Variants in FRMPD3 observed in about 807,000 individuals in gnomAD.
The protein encoded by FRMPD3 is FERM and PDZ domain-containing protein 3.
Under a neutral mutation model 97.9 loss-of-function variants are expected in FRMPD3, and 42 were observed. That is an observed-to-expected ratio of 0.43 (90% CI 0.34 to 0.55). The LOEUF (loss-of-function observed/expected upper bound fraction) is 0.55. Among genes scored for constraint, FRMPD3 ranks in the 20% least tolerant of loss-of-function variants. The probability of loss-of-function intolerance (pLI) is 0.03; values close to 1 mark genes in which losing one functional copy is unlikely to be tolerated. For synonymous variants in FRMPD3, 577 were observed against 581.1 expected (o/e 0.99, Z 0.10); for missense variants, 1,303 against 1,457.7 (o/e 0.89, Z 1.73).
intron 1 of FRMPD3, among the ~76,000 whole-genome samples, chrX:107,505,448 C>G (rs1305266629): frequency 8.9e-6 from 1 of 111,971 alleles, no homozygotes; most frequent in African/African-American, 3.3e-5. Flanking sequence ...CAGTGCCTAG[C>G]GTAAAGTAGA....
chrX:107,498,561 A>T (rs143685574), intron 1 of FRMPD3, among the ~76,000 whole-genome samples: 95 of 112,120 alleles, frequency 8.5e-4, no homozygotes, highest in African/African-American at 2.9e-3. Context: ...TAGCATCCCA[A>T]TGCTGGAAAT....
chrX:107,573,449 C>A (rs1430069609), intron 12 of FRMPD3, among the ~76,000 whole-genome samples: 1 of 111,874 alleles, frequency 8.9e-6, no homozygotes, highest in African/African-American at 3.2e-5. Context: ...AAGTTCATTT[C>A]CTTTCCATAC....
intron 1 of FRMPD3, among the ~76,000 whole-genome samples, chrX:107,485,717 T>A (rs979395624): frequency 1.8e-5 from 2 of 111,871 alleles, no homozygotes; most frequent in African/African-American, 3.3e-5. Flanking sequence ...GCCAGTACCC[T>A]CTGAGGCCTC....
intron 13 of FRMPD3, among the ~76,000 whole-genome samples, chrX:107,582,952 G>C (rs1923462571): frequency 1.8e-5 from 2 of 111,985 alleles, no homozygotes; most frequent in African/African-American, 3.2e-5. Context: ...AATTTGGAAA[G>C]TACTATCATT....
At chrX:107,572,080 T>C (rs1922912710) in intron 12 of FRMPD3, among the ~76,000 whole-genome samples, 2 of 112,086 alleles carry the variant, frequency 1.8e-5, no homozygotes, top group South Asian at 7.4e-4. Context: ...TCCTGCTCGA[T>C]TGTAAGCTCC....
chrX:107,533,332 G>A (rs931599111), intron 3 of FRMPD3, among the ~76,000 whole-genome samples, 173 bp from the exon 4 acceptor site: 11 of 111,831 alleles, frequency 9.8e-5, no homozygotes, highest in African/African-American at 3.6e-4. Context: ...GATGGTTTGT[G>A]TCAGCCTCCA....
At chrX:107,492,368 A>G (rs145609301) in intron 1 of FRMPD3, among the ~76,000 whole-genome samples, 2,250 of 111,801 alleles carry the variant, frequency 0.02, 56 homozygotes, top group African/African-American at 0.069. Flanking sequence ...GATGATGCAA[A>G]GTCACTCCAG....
chrX:107,477,629 T>C (rs1381748823), intron 1 of FRMPD3, among the ~76,000 whole-genome samples: 1 of 112,408 alleles, frequency 8.9e-6, no homozygotes, highest in Non-Finnish European at 1.9e-5. Flanking sequence ...ATTTACGAGA[T>C]TGATTAGCTA....
intron 1 of FRMPD3, among the ~76,000 whole-genome samples, chrX:107,496,680 G>A (rs1921782646): frequency 1.8e-5 from 2 of 111,519 alleles, no homozygotes; most frequent in African/African-American, 6.5e-5. Flanking sequence ...TGTTAGTGGG[G>A]GCTTTGGGTC....
intron 3 of FRMPD3, among the ~76,000 whole-genome samples, chrX:107,531,595 C>T (rs1365628503): frequency 9.0e-6 from 1 of 111,605 alleles, no homozygotes; most frequent in African/African-American, 3.3e-5. Context: ...CTCCTGAAGT[C>T]CAGAGCATGT....
At chrX:107,560,495 G>C in intron 9 of FRMPD3, 102 bp downstream of exon 9, 2 of 1,042,391 alleles carry the variant, frequency 1.9e-6, no homozygotes, top group Non-Finnish European at 2.6e-6. Context: ...GTAGGACATG[G>C]GATGGGAGTG....
chrX:107,525,561 A>G (rs16985208), intron 1 of FRMPD3: 30,368 of 555,288 alleles, frequency 0.055, 2,983 homozygotes, highest in African/African-American at 0.39. Context: ...TTAGGGCAGT[A>G]ATTTCTCTTC....
chrX:107,489,689 T>C (rs1921604977), intron 1 of FRMPD3, among the ~76,000 whole-genome samples: 1 of 112,291 alleles, frequency 8.9e-6, no homozygotes, highest in Non-Finnish European at 1.9e-5. Context: ...GGGTTATTTG[T>C]TTTTTTCTTG....
intron 1 of FRMPD3, among the ~76,000 whole-genome samples, chrX:107,458,125 C>G (rs57561043): frequency 0.12 from 13,290 of 110,858 alleles, 1,998 homozygotes; most frequent in African/African-American, 0.42. Flanking sequence ...GAATGAACAG[C>G]GGAGATCCTT....
At position 107,598,023 on chromosome X, in the gene FRMPD3, C is replaced by G; in HGVS notation, c.2144C>G (p.Thr715Ser). ...GTGACATTGATTGACAGTGTGCAGACCCGGACAGTTCGAGATCATGCCCAG... is the reference window on the plus strand; with the variant it reads ...GTGACATTGATTGACAGTGTGCAGAGCCGGACAGTTCGAGATCATGCCCAG... ...IPVTLIDSVQ[T>S]RTVRDHAQEL... The change falls in exon 14 of 15, where the codon ACC (threonine) becomes AGC (serine). Residue 715 changes from threonine (T) to serine (S), a missense_variant. This residue lies in a region of FRMPD3 where 535 missense variants were observed against 618.6 expected (regional missense o/e 0.86). Coordinates refer to ENST00000683843, the MANE Select transcript of FRMPD3 (RefSeq NM_001388459.1). 8.3e-7 allele frequency: 1 copy of G among 1,210,559 alleles called. No individual in the cohort carries two copies. Among genetic ancestry groups the G allele is most frequent in the African/African-American group, 1.7e-5 (1 of 57,721 alleles).
At chrX:107,589,126 ATGT>A (rs1185209941) in intron 13 of FRMPD3, among the ~76,000 whole-genome samples, 1 of 111,259 alleles carries the variant, frequency 9.0e-6, no homozygotes, top group Non-Finnish European at 1.9e-5. Flanking sequence ...TGCTGGAAAG[ATGT>A]TGTGATCATT....
At chrX:107,462,426 T>G (rs1455947271) in intron 1 of FRMPD3, among the ~76,000 whole-genome samples, 1 of 111,934 alleles carries the variant, frequency 8.9e-6, no homozygotes, top group Non-Finnish European at 1.9e-5. Flanking sequence ...CCAGGCTGTA[T>G]CTTCCGCACC....
intron 1 of FRMPD3, among the ~76,000 whole-genome samples, chrX:107,472,250 T>C (rs1310387833): frequency 8.9e-6 from 1 of 112,175 alleles, no homozygotes; most frequent in Non-Finnish European, 1.9e-5. Flanking sequence ...AGGTTGCCTG[T>C]TCACTCTGAT....
At chrX:107,533,447 A>C in intron 3 of FRMPD3, 58 bp from the exon 4 acceptor site, 9 of 1,034,781 alleles carry the variant, frequency 8.7e-6, no homozygotes, top group Non-Finnish European at 1.2e-5. Context: ...TGCTTCTTGT[A>C]CTAGATGAAT....
Sources: allele counts gnomAD v4.1 joint callset (sites outside exome capture counted in the v4.1 genomes callset), GRCh38; gene constraint gnomAD v4.1.1; regional missense constraint gnomAD v4.1.1; transcripts MANE v1.5; gene names NCBI Gene and HGNC (gene_info 2026-07-23, HGNC 2026-07-21).